The following SYT9 variants were observed in gnomAD, a reference collection of about 807,000 sequenced individuals.
SYT9 encodes the protein synaptotagmin 9.
In SYT9, 22 loss-of-function variants were observed where a neutral mutation model predicts 48.4. The ratio of observed to expected loss-of-function variants is 0.45; its 90% CI spans 0.32 to 0.65. SYT9 has a LOEUF of 0.65. Ranked by LOEUF, SYT9 falls within the 30% of genes least tolerant of loss-of-function variation. The pLI is 0.03. For synonymous variants in SYT9, 265 were observed against 245.0 expected (o/e 1.08, Z -0.76); for missense variants, 577 against 622.0 (o/e 0.93, Z 0.77).
intron 3 of SYT9, among the ~76,000 whole-genome samples, chr11:7,414,570 C>A (rs1019494294): frequency 6.6e-6 from 1 of 152,214 alleles, no homozygotes. Flanking sequence ...GTCCCCAAGC[C>A]CCCATATCTC....
chr11:7,359,795 G>T (rs1254424995), intron 3 of SYT9, among the ~76,000 whole-genome samples: 1 of 149,378 alleles, frequency 6.7e-6, no homozygotes, highest in East Asian at 2.0e-4. Context: ...CTCCCATTTT[G>T]TAGGTTGCCT....
At chr11:7,402,258 A>T (rs1846908573) in intron 3 of SYT9, among the ~76,000 whole-genome samples, 1 of 152,040 alleles carries the variant, frequency 6.6e-6, no homozygotes, top group African/African-American at 2.4e-5. Flanking sequence ...ATCTTGGTGG[A>T]TGTTCAGTAT....
intron 3 of SYT9, among the ~76,000 whole-genome samples, chr11:7,395,159 TCACCCACCTCC>T (rs1846726556): frequency 6.6e-6 from 1 of 152,150 alleles, no homozygotes; most frequent in East Asian, 1.9e-4. Context: ...CTCTTATCCC[TCACCCACCTCC>T]CACTATTTTC....
chr11:7,428,306 T>G (rs1345467821), intron 6 of SYT9, among the ~76,000 whole-genome samples: 1 of 152,232 alleles, frequency 6.6e-6, no homozygotes, highest in Non-Finnish European at 1.5e-5. Flanking sequence ...GGAGCATCCC[T>G]GCTGCACACT....
intron 2 of SYT9, among the ~76,000 whole-genome samples, chr11:7,312,632 G>A (rs1048469925): frequency 6.6e-6 from 1 of 152,170 alleles, no homozygotes; most frequent in East Asian, 1.9e-4. Context: ...CAAATATTTA[G>A]TTTGGAGTAT....
chr11:7,439,730 G>A (rs1424921066), intron 6 of SYT9: 1 of 152,286 alleles, frequency 6.6e-6, no homozygotes, highest in East Asian at 1.9e-4. Context: ...TATTCACGGT[G>A]CCTACCATCT....
chr11:7,385,440 G>A (rs1850640681), intron 3 of SYT9, among the ~76,000 whole-genome samples: 1 of 151,806 alleles, frequency 6.6e-6, no homozygotes, highest in Non-Finnish European at 1.5e-5. Context: ...GAATACATCA[G>A]GTTTCATTTC....
chr11:7,430,968 T>G (rs1351687601), intron 6 of SYT9, among the ~76,000 whole-genome samples: 2 of 152,202 alleles, frequency 1.3e-5, no homozygotes, highest in Non-Finnish European at 2.9e-5. Context: ...AGTGGGGTAT[T>G]GCAATAAAGA....
At chr11:7,339,046 T>A (rs1247948500) in intron 3 of SYT9, among the ~76,000 whole-genome samples, 1 of 152,214 alleles carries the variant, frequency 6.6e-6, no homozygotes, top group African/African-American at 2.4e-5. Context: ...TGCATATATA[T>A]TTAGAATAAT....
intron 3 of SYT9, among the ~76,000 whole-genome samples, chr11:7,342,688 G>A (rs11041326): frequency 0.4 from 61,324 of 151,944 alleles, 13,306 homozygotes; most frequent in African/African-American, 0.56. Flanking sequence ...CTGGGGTCTC[G>A]AGGACAGTGA....
At chr11:7,453,877 AG>A (rs1481926771) in intron 6 of SYT9, 1 of 490,186 alleles carries the variant, frequency 2.0e-6, no homozygotes, top group Admixed American at 6.4e-5. Context: ...GAGTCAGGCC[AG>A]GGCGCAGAGG....
chr11:7,379,083 T>G (rs1040095961), intron 3 of SYT9, among the ~76,000 whole-genome samples: 1 of 152,070 alleles, frequency 6.6e-6, no homozygotes, highest in Non-Finnish European at 1.5e-5. Flanking sequence ...TGTAAAAAAA[T>G]GAAAATAAAA....
At chr11:7,411,716 T>G (rs1372940725) in intron 3 of SYT9, among the ~76,000 whole-genome samples, 1 of 152,146 alleles carries the variant, frequency 6.6e-6, no homozygotes, top group Admixed American at 6.5e-5. Flanking sequence ...TGCTCTGTAT[T>G]TGTGTGGGGT....
intron 3 of SYT9, among the ~76,000 whole-genome samples, chr11:7,411,450 C>T (rs1336807870): frequency 6.6e-6 from 1 of 152,176 alleles, no homozygotes; most frequent in African/African-American, 2.4e-5. Context: ...ATTCCCTCAG[C>T]ATTTTCTTCT....
In SYT9 at chr11:7,420,610, T is replaced by G. The variant is rs1344631755; in HGVS notation, c.1442T>G (p.Ile481Ser). Residue 481 changes from isoleucine (I) to serine (S), a missense_variant, in exon 6 of 7, where the codon ATT (isoleucine) becomes AGT (serine). Coordinates refer to ENST00000318881, the MANE Select transcript of SYT9 (RefSeq NM_175733.4). ...ATGTTGTCATATCCTCGGAAGCCCA[T>G]TGCACACTGGCATTCCCTGGTGGAG... ...SEMLSYPRKP[I>S]AHWHSLVEKR 3 of 1,614,182 alleles carry G rather than the reference T, an allele frequency of 1.9e-6. No individual in the cohort carries two copies. The highest frequency in any genetic ancestry group is 2.5e-6 in the Non-Finnish European group (3 of 1,180,016).
intron 3 of SYT9, among the ~76,000 whole-genome samples, chr11:7,341,384 G>T (rs1849709556): frequency 1.3e-5 from 2 of 152,128 alleles, no homozygotes; most frequent in Non-Finnish European, 2.9e-5. Context: ...GGAACCTGGT[G>T]GGAGGTAATT....
chr11:7,293,193 C>A (rs1848724918), intron 1 of SYT9, among the ~76,000 whole-genome samples: 1 of 152,174 alleles, frequency 6.6e-6, no homozygotes, highest in African/African-American at 2.4e-5. Flanking sequence ...TAGGCAGAAT[C>A]ATCTGGGCAG....
chr11:7,244,321 G>A (rs912517483), intron 1 of SYT9, among the ~76,000 whole-genome samples: 1 of 152,198 alleles, frequency 6.6e-6, no homozygotes, highest in African/African-American at 2.4e-5. Context: ...CAGAACAACT[G>A]CTACTGGAAT....
chr11:7,260,951 A>G (rs888823048), intron 1 of SYT9, among the ~76,000 whole-genome samples: 1 of 152,188 alleles, frequency 6.6e-6, no homozygotes, highest in African/African-American at 2.4e-5. Context: ...CATTGTAACT[A>G]TCCAGTCTGT....
Sources: allele counts gnomAD v4.1 joint callset (sites outside exome capture counted in the v4.1 genomes callset), GRCh38; gene constraint gnomAD v4.1.1; transcripts MANE v1.5; gene names NCBI Gene and HGNC (gene_info 2026-07-23, HGNC 2026-07-21).